OPA1: variants seen among roughly 807,000 people sequenced by gnomAD.
OPA1 encodes the protein OPA1 mitochondrial dynamin like GTPase.
In OPA1, 59 loss-of-function variants were observed where a neutral mutation model predicts 152.9. The ratio of observed to expected loss-of-function variants is 0.39; its 90% confidence interval spans 0.31 to 0.48. OPA1 has a LOEUF of 0.48. OPA1 is among the 20% of genes least tolerant of loss of function. The pLI, the probability that OPA1 is intolerant of heterozygous loss-of-function variation, is 0.96. For missense variants in OPA1, 1,008 were observed against 1,216.8 expected, an observed-to-expected ratio of 0.83 and a Z score of 2.55; for synonymous variants, 400 against 389.9, an observed-to-expected ratio of 1.03 and a Z score of -0.31.
Position 193,617,201 on chromosome 3 carries a change from A to G in OPA1, c.472A>G (p.Ser158Gly). The G allele has an allele frequency of 1.2e-6, 2 of 1,609,444 alleles. No individual in the cohort carries two copies. Among genetic ancestry groups the G allele is most frequent in the Non-Finnish European group, 1.7e-6 (2 of 1,175,930 alleles). The change falls in exon 4 of 31, where the codon AGT becomes GGT. Residue 158 changes from serine (S) to glycine (G), a missense_variant. Physicochemically the swap from Ser to Gly is moderately conservative, Grantham distance 56. This residue lies in a region of OPA1 where 408 missense variants were observed against 395.1 expected (regional missense o/e 1.03). Transcript: ENST00000361510. ...DFEKIRKALP[S>G]SEDLVKLAPD... ...AGAGAAAATTAGAAAAGCCCTTCCT[A>G]GTTCAGAAGACCTTGTAAAGTTAGC...
intron 21 of OPA1, among the ~76,000 whole-genome samples, chr3:193,650,861 A>C (rs984712586): frequency 3.3e-5 from 5 of 152,332 alleles, no homozygotes; most frequent in Admixed American, 3.3e-4. Flanking sequence ...TTCTAGAAGG[A>C]TAGCTGGCTA....
intron 2 of OPA1, among the ~76,000 whole-genome samples, 166 bp from the exon 3 acceptor site, chr3:193,615,508 C>T (rs936580961): frequency 3.3e-5 from 5 of 152,190 alleles, no homozygotes; most frequent in Non-Finnish European, 7.4e-5. Context: ...GGAGTGTTAA[C>T]TTGTTTTATA....
chr3:193,613,232 G>A (rs1728522250), intron 1 of OPA1, among the ~76,000 whole-genome samples: 1 of 152,158 alleles, frequency 6.6e-6, no homozygotes, highest in Non-Finnish European at 1.5e-5. Context: ...TATTATTACA[G>A]ATGCATACTA....
chr3:193,692,517 TTC>T (rs926054596), intron 30 of OPA1, among the ~76,000 whole-genome samples: 7 of 152,354 alleles, frequency 4.6e-5, no homozygotes, highest in African/African-American at 1.7e-4. Flanking sequence ...TTAGAAAGTT[TTC>T]TGTTTGACTT....
At chr3:193,691,977 G>A (rs1721746971) in intron 29 of OPA1, 86 bp from the exon 30 acceptor site, 1 of 795,694 alleles carries the variant, frequency 1.3e-6, no homozygotes, top group Admixed American at 2.2e-5. Flanking sequence ...AAATAGTTAA[G>A]TATACCAACC....
At chr3:193,629,765 A>T (rs1298724759) in intron 7 of OPA1, among the ~76,000 whole-genome samples, 1 of 152,208 alleles carries the variant, frequency 6.6e-6, no homozygotes, top group Non-Finnish European at 1.5e-5. Flanking sequence ...TTAACCTTTT[A>T]TAGCCCTTGG....
chr3:193,613,488 C>T (rs1027747599), intron 1 of OPA1, among the ~76,000 whole-genome samples: 15 of 152,060 alleles, frequency 9.9e-5, no homozygotes, highest in African/African-American at 1.7e-4. Flanking sequence ...CAAGAGATAC[C>T]GCTTTTCCCA....
intron 29 of OPA1, chr3:193,668,299 T>C (rs1174872848): frequency 6.5e-7 from 1 of 1,535,442 alleles, no homozygotes; most frequent in Non-Finnish European, 8.8e-7. Flanking sequence ...TGAAGATATG[T>C]CCTTTTCCAT....
chr3:193,612,973 G>A (rs907882756), intron 1 of OPA1, among the ~76,000 whole-genome samples: 1 of 152,130 alleles, frequency 6.6e-6, no homozygotes, highest in Non-Finnish European at 1.5e-5. Context: ...TGAGAGCAAC[G>A]GCCTCAGTGG....
Position 193,648,889 on chromosome 3 carries a change from A to G in OPA1, c.2012+18A>G. 1.3e-6 allele frequency: 2 copies of G among 1,490,280 alleles called. No individual in the cohort carries two copies. Among genetic ancestry groups the G allele is most frequent in the Non-Finnish European group, 9.4e-7 (1 of 1,067,538 alleles). The allele number at this position is 1,490,280 out of a possible 1,614,324, so 92.3% of individuals were successfully genotyped here. ...AAACATTGGTAAGTATTTGATATTAATCTCTTTTCTGAAAGACTTTACTGT... is the reference window on the plus strand; with the variant it reads ...AAACATTGGTAAGTATTTGATATTAGTCTCTTTTCTGAAAGACTTTACTGT... On this transcript the variant is annotated intron_variant, in intron 21 of 30. Coordinates refer to ENST00000361510, the MANE Select transcript of OPA1 (RefSeq NM_130837.3).
At chr3:193,620,009 G>T (rs1343184215) in intron 6 of OPA1, among the ~76,000 whole-genome samples, 2 of 151,708 alleles carry the variant, frequency 1.3e-5, no homozygotes, top group African/African-American at 4.8e-5. Flanking sequence ...GATCTTTTTT[G>T]ACCCTCTTTT....
rs1728932198 is a variant in OPA1 at position 193,615,847 on chromosome 3, A to G, written c.448+77A>G. ...AAATAGTTTATTGAGATAGTTTCTT[A>G]ACTTATGAACCTAATATATCACGGT... is the stretch of plus-strand genomic sequence containing the variant. On this transcript the variant is annotated intron_variant, in intron 3 of 30. Coordinates refer to ENST00000361510, the MANE Select transcript of OPA1 (RefSeq NM_130837.3). The G allele has an allele frequency of 1.1e-5, 9 of 852,942 alleles. No individual in the cohort carries two copies. The East Asian group carries it at 2.2e-4, about 21-fold the overall frequency. 52.8% of individuals were successfully genotyped at this position (852,942 alleles called of 1,614,324 possible). A position where few individuals can be genotyped will look rare whatever the true frequency, so the allele number is the denominator to read the frequency against.
At chr3:193,687,731 G>C (rs1001208074) in intron 29 of OPA1, among the ~76,000 whole-genome samples, 6 of 152,184 alleles carry the variant, frequency 3.9e-5, no homozygotes, top group African/African-American at 1.4e-4. Flanking sequence ...GGCACAGTTA[G>C]TATACAGACA....
At chr3:193,691,379 A>C (rs1721657017) in intron 29 of OPA1, 1 of 152,244 alleles carries the variant, frequency 6.6e-6, no homozygotes. Context: ...TATAAACATG[A>C]AAACCTAAAA....
At chr3:193,694,411 C>G (rs1305756790) in intron 30 of OPA1, among the ~76,000 whole-genome samples, 195 bp from the exon 31 acceptor site, 1 of 152,082 alleles carries the variant, frequency 6.6e-6, no homozygotes, top group Non-Finnish European at 1.5e-5. Flanking sequence ...TTAGTATATG[C>G]TTTTAACTTA....
intron 29 of OPA1, chr3:193,668,486 T>C (rs1414078544): frequency 1.3e-6 from 2 of 1,550,718 alleles, no homozygotes; most frequent in African/African-American, 2.7e-5. Flanking sequence ...TTGTGCCAGG[T>C]GCCTCTCCAT....
Position 193,662,927 on chromosome 3 carries a change from C to G in OPA1, c.2626C>G (p.Leu876Val). 1 of 1,613,650 alleles carries G rather than the reference C, an allele frequency of 6.2e-7. No individual in the cohort carries two copies. Among genetic ancestry groups the G allele is most frequent in the Non-Finnish European group, 8.5e-7 (1 of 1,179,644 alleles). Residue 876 changes from leucine (L) to valine (V), a missense_variant, in exon 26 of 31, where the codon CTT becomes GTT. Transcript: ENST00000361510. ...SDEITTVRKN[L>V]ESRGVEVDPS... ...TGAAATAACCACAGTCCGGAAGAAC[C>G]TTGAATCCCGAGGAGTAGAAGTAGA...
At chr3:193,671,652 A>C (rs1717948880) in intron 29 of OPA1, among the ~76,000 whole-genome samples, 1 of 152,242 alleles carries the variant, frequency 6.6e-6, no homozygotes, top group Non-Finnish European at 1.5e-5. Context: ...ACAAAGTAGA[A>C]TATTTGGGGA....
At chr3:193,647,213 TA>T (rs1734793745) in intron 19 of OPA1, 33 bp downstream of exon 19, 2 of 1,378,754 alleles carry the variant, frequency 1.5e-6, no homozygotes, top group Admixed American at 3.5e-5. Context: ...GCAAGCAAAT[TA>T]AGACATTTTA....
Sources: allele counts gnomAD v4.1 joint callset (sites outside exome capture counted in the v4.1 genomes callset), GRCh38; gene constraint gnomAD v4.1.1; regional missense constraint gnomAD v4.1.1; transcripts MANE v1.5; gene names NCBI Gene and HGNC (gene_info 2026-07-23, HGNC 2026-07-21).